The following THBS2 variants were observed in gnomAD, a reference collection of about 807,000 sequenced individuals.
THBS2 encodes thrombospondin 2.
A neutral mutation model predicts 135.2 loss-of-function variants in THBS2; 47 were observed. The ratio of observed to expected loss-of-function variants is 0.35; its 90% CI spans 0.28 to 0.44. THBS2 has a LOEUF of 0.44. THBS2 is among the 20% of genes least tolerant of loss of function. THBS2 has a pLI of 1.00. For synonymous variants in THBS2, 639 were observed against 633.8 expected (o/e 1.01, Z -0.12); for missense variants, 1,288 against 1,603.1 (o/e 0.80, Z 3.36).
At position 169,241,733 on chromosome 6, in the gene THBS2, A is replaced by C. The variant is rs778841770; in HGVS notation, c.891+29T>G. ...GCGGCGGAGCTGCCCATGCCCTATGACCCCCGCGGCCCCTGCGTGAGTACC... is the reference window on the plus strand; with the variant it reads ...GCGGCGGAGCTGCCCATGCCCTATGCCCCCCGCGGCCCCTGCGTGAGTACC... On this transcript the variant is annotated intron_variant, in intron 5 of 21. Coordinates refer to ENST00000617924, the MANE Select transcript of THBS2 (RefSeq NM_003247.5). This position sits in a 1 kb window ranked among gnomAD's most constrained non-coding sequence, Gnocchi z 5.5. The C allele has an allele frequency of 8.9e-5, 140 of 1,566,330 alleles. No homozygotes were observed. Among genetic ancestry groups the C allele is most frequent in the Middle Eastern group, 1.9e-4 (1 of 5,330 alleles).
Position 169,222,238 on chromosome 6 carries a change from G to A in THBS2, c.3232C>T (p.Leu1078=), listed in dbSNP as rs1392789601. Residue 1078 remains leucine, a synonymous_variant, in exon 19 of 22, where the codon CTG becomes TTG. Transcript: ENST00000617924. ...VNSTTGTGEH[L]RNALWHTGNT... Reference sequence around the variant, plus strand: ...CCCGTGTGCCACAGCGCGTTCCTCAGGTGCTCGCCCGTCCCCGTGGTGGAG... The same window carrying A: ...CCCGTGTGCCACAGCGCGTTCCTCAAGTGCTCGCCCGTCCCCGTGGTGGAG... 1.2e-6 allele frequency: 2 copies of A among 1,613,006 alleles called. No individual in the cohort carries two copies. The highest frequency in any genetic ancestry group is 8.5e-7 in the Non-Finnish European group (1 of 1,179,980).
chr6:169,234,709 G>A (rs1779969567), intron 10 of THBS2, 25 bp downstream of exon 10: 1 of 1,489,248 alleles, frequency 6.7e-7, no homozygotes, highest in Non-Finnish European at 9.0e-7. Flanking sequence ...GGGTTTCAGT[G>A]CCCCCGCTTC....
chr6:169,228,722 G>A (rs564650520), intron 14 of THBS2, among the ~76,000 whole-genome samples: 3 of 152,176 alleles, frequency 2.0e-5, no homozygotes, highest in East Asian at 1.9e-4. Context: ...TCAGGAGTTC[G>A]AGACCAGCCT....
chr6:169,221,273 G>A (rs962532002), intron 20 of THBS2, among the ~76,000 whole-genome samples, 157 bp downstream of exon 20: 2 of 152,218 alleles, frequency 1.3e-5, no homozygotes, highest in Non-Finnish European at 2.9e-5. Flanking sequence ...ATTTAGTAGA[G>A]ATGCAGGATA....
At chr6:169,219,346 G>GGATGGATGGGTGA (rs1554244185) in intron 21 of THBS2, among the ~76,000 whole-genome samples, 1 of 129,050 alleles carries the variant, frequency 7.7e-6, no homozygotes. Flanking sequence ...GTGGGTGGAT[G>GGATGGATGGGTGA]GATGGATGGT....
Position 169,246,195 on chromosome 6 carries a change from A to C in THBS2, c.694+2T>G, listed in dbSNP as rs1331799501. ...AAAATGCATTTTTCACAACACACCT[A>C]CCTCCCTGGCCTTGCTGGCAACCCT... On this transcript the variant is annotated splice_donor_variant, in intron 4 of 21. Transcript: ENST00000617924. LOFTEE classifies it high-confidence loss of function. The C allele has an allele frequency of 6.2e-7, 1 of 1,613,424 alleles. No homozygotes were observed. The highest frequency in any genetic ancestry group is 1.1e-5 in the South Asian group (1 of 91,062).
intron 10 of THBS2, 67 bp from the exon 11 acceptor site, chr6:169,233,084 G>A: frequency 6.9e-7 from 1 of 1,438,994 alleles, no homozygotes; most frequent in Non-Finnish European, 9.1e-7. Flanking sequence ...AGCCCGCCCT[G>A]TGGGCCGTCA....
intron 7 of THBS2, chr6:169,239,358 C>A: frequency 1.8e-6 from 1 of 546,344 alleles, no homozygotes; most frequent in East Asian, 3.1e-5. Context: ...GCTTCCTCGT[C>A]TGAGAAGCAT....
At chr6:169,245,170 G>C (rs1318799404) in intron 4 of THBS2, among the ~76,000 whole-genome samples, 1 of 152,228 alleles carries the variant, frequency 6.6e-6, no homozygotes, top group Non-Finnish European at 1.5e-5. Flanking sequence ...CTGTCAGACA[G>C]ACCCAGGCAG....
At chr6:169,242,028 G>A (rs755776592) in intron 4 of THBS2, 70 bp from the exon 5 acceptor site, 602 of 1,521,296 alleles carry the variant, frequency 4.0e-4, no homozygotes, top group Non-Finnish European at 5.1e-4. Flanking sequence ...TGGGAACAGA[G>A]GGAGGATGAC....
chr6:169,236,047 CCA>C (rs1293153532), intron 9 of THBS2, among the ~76,000 whole-genome samples: 1 of 123,888 alleles, frequency 8.1e-6, no homozygotes. Context: ...CCCTCCCCAT[CCA>C]CACTCACTCC....
At chr6:169,228,336 G>A in intron 14 of THBS2, 55 bp from the exon 15 acceptor site, 2 of 1,593,940 alleles carry the variant, frequency 1.3e-6, no homozygotes, top group South Asian at 2.2e-5. Context: ...TGTGTGTCGG[G>A]CCGTTTAGCA....
At chr6:169,237,463 A>C in intron 8 of THBS2, 117 bp from the exon 9 acceptor site, 1 of 1,472,752 alleles carries the variant, frequency 6.8e-7, no homozygotes, top group Admixed American at 1.8e-5. Context: ...GGGAAGGAGA[A>C]CCCCTCCCAT....
At position 169,217,099 on chromosome 6, in the gene THBS2, A is replaced by G. The variant is rs550366892; in HGVS notation, c.*723T>C. On this transcript the variant is annotated 3_prime_UTR_variant, in exon 22 of 22. Transcript: ENST00000617924. ...AGGTTTTGCCAAATCCACATCTGGA[A>G]CCGCGTCACACCCATTTGCAAGGAT... 6.6e-6 allele frequency: 1 copy of G among 152,362 alleles called. No individual in the cohort carries two copies. Among genetic ancestry groups the G allele is most frequent in the South Asian group, 2.1e-4 (1 of 4,830 alleles). The allele number at this position is 152,362 out of a possible 1,614,324, so 9.4% of individuals were successfully genotyped here. A position where few individuals can be genotyped will look rare whatever the true frequency, so the allele number is the denominator to read the frequency against.
intron 10 of THBS2, 40 bp downstream of exon 10, chr6:169,234,694 A>G: frequency 6.9e-7 from 1 of 1,450,126 alleles, no homozygotes; most frequent in Non-Finnish European, 9.1e-7. Context: ...TCAGAATGGA[A>G]GCCCGGGTTT....
intron 10 of THBS2, 118 bp downstream of exon 10, chr6:169,234,616 G>A: frequency 2.8e-6 from 3 of 1,056,336 alleles, no homozygotes; most frequent in South Asian, 4.1e-5. Flanking sequence ...ATCTTTGCGT[G>A]TGCAACTAAA....
At chr6:169,218,833 G>T in intron 21 of THBS2, among the ~76,000 whole-genome samples, 1 of 87,600 alleles carries the variant, frequency 1.1e-5, no homozygotes, top group East Asian at 3.4e-4. Context: ...TGGCTGAGAT[G>T]GATGGATGGA....
Position 169,239,684 on chromosome 6 carries a change from G to A in THBS2, c.1044C>T (p.Thr348=), listed in dbSNP as rs1273238061. 1.3e-6 allele frequency: 2 copies of A among 1,597,872 alleles called. No homozygotes were observed. Among genetic ancestry groups the A allele is most frequent in the African/African-American group, 1.3e-5 (1 of 74,934 alleles). The part of the protein sequence containing the change: ...CTTCTCKKFK[T]ICHQITCPPA... ...GCGGGCAGGTGATTTGGTGGCAAAT[G>A]GTTTTAAATTTCTACAAGTGAAGAA... Residue 348 remains threonine, a synonymous_variant, in exon 7 of 22, where the codon ACC becomes ACT. Transcript: ENST00000617924.
intron 12 of THBS2, 89 bp downstream of exon 12, chr6:169,232,575 C>A: frequency 1.3e-6 from 2 of 1,519,798 alleles, no homozygotes; most frequent in Admixed American, 2.1e-5. Context: ...CACGCCACCC[C>A]TTCCTCTCCT....
Sources: gnomAD v4.1 joint callset for allele counts (sites outside exome capture counted in the v4.1 genomes callset) on GRCh38, gnomAD v4.1.1 for gene constraint, Gnocchi (gnomAD v3.1) non-coding constraint, MANE v1.5 for transcripts, NCBI Gene and HGNC (gene_info 2026-07-23, HGNC 2026-07-21) for gene names.